The following DLGAP2 variants were observed in gnomAD, a reference collection of about 807,000 sequenced individuals.
The protein encoded by DLGAP2 is DLG associated protein 2.
In DLGAP2, 26 loss-of-function variants were observed where a neutral mutation model predicts 100.3. That is an observed-to-expected ratio of 0.26 (90% CI 0.19 to 0.36). DLGAP2 has a LOEUF of 0.36. Ranked by LOEUF, DLGAP2 falls within the 10% of genes least tolerant of loss-of-function variation. The pLI, the probability that DLGAP2 is intolerant of heterozygous loss-of-function variation, is 1.00. For synonymous variants in DLGAP2, 886 were observed against 630.1 expected (o/e 1.41, Z -6.08); for missense variants, 1,858 against 1,453.2 (o/e 1.28, Z -4.53).
chr8:1,290,627 G>A (rs1280628950), intron 3 of DLGAP2, among the ~76,000 whole-genome samples: 2 of 152,212 alleles, frequency 1.3e-5, no homozygotes, highest in East Asian at 3.8e-4. Flanking sequence ...GAAAGGCAGA[G>A]GCCTCCGTGG....
At chr8:994,195 T>C (rs149943010) in intron 2 of DLGAP2, among the ~76,000 whole-genome samples, 6 of 151,950 alleles carry the variant, frequency 3.9e-5, no homozygotes, top group Non-Finnish European at 7.4e-5. Context: ...ATCCTTATGG[T>C]GTTTTGTTTT....
intron 2 of DLGAP2, among the ~76,000 whole-genome samples, chr8:1,050,694 A>G (rs1166442917): frequency 6.6e-6 from 1 of 152,170 alleles, no homozygotes; most frequent in Non-Finnish European, 1.5e-5. Context: ...AGTAGCTTCC[A>G]TTTCATTACA....
intron 2 of DLGAP2, among the ~76,000 whole-genome samples, chr8:1,067,797 C>T (rs1044877164): frequency 4.6e-5 from 7 of 151,974 alleles, no homozygotes; most frequent in Admixed American, 1.3e-4. Flanking sequence ...TGGACCAACA[C>T]GACACGTCAT....
chr8:1,267,719 C>T (rs1447217002), intron 3 of DLGAP2, among the ~76,000 whole-genome samples: 5 of 152,210 alleles, frequency 3.3e-5, no homozygotes, highest in South Asian at 4.2e-4. Flanking sequence ...TGGCCCCCTC[C>T]GTAGCAACTC....
At chr8:1,417,789 T>G (rs1006219594) in intron 3 of DLGAP2, among the ~76,000 whole-genome samples, 3 of 147,374 alleles carry the variant, frequency 2.0e-5, no homozygotes, top group African/African-American at 7.7e-5. Flanking sequence ...TCAGAGAAAG[T>G]GATCAATGTC....
intron 2 of DLGAP2, among the ~76,000 whole-genome samples, chr8:1,120,098 C>G (rs1221229246): frequency 1.3e-5 from 2 of 151,604 alleles, no homozygotes; most frequent in Non-Finnish European, 2.9e-5. Flanking sequence ...GTTGGAAATT[C>G]AAACATCTTT....
chr8:845,784 A>G (rs144212355), intron 1 of DLGAP2, among the ~76,000 whole-genome samples: 22 of 152,228 alleles, frequency 1.4e-4, no homozygotes, highest in African/African-American at 5.1e-4. Flanking sequence ...AGTTTTATAT[A>G]CCTTTTGCTG....
chr8:1,590,071 G>T (rs1415094901), intron 6 of DLGAP2, among the ~76,000 whole-genome samples: 1 of 152,182 alleles, frequency 6.6e-6, no homozygotes, highest in Admixed American at 6.5e-5. Context: ...CAGTGTCCGT[G>T]GCTGTGGGTG....
At chr8:1,651,370 C>G (rs1585033372) in intron 8 of DLGAP2, among the ~76,000 whole-genome samples, 1 of 152,180 alleles carries the variant, frequency 6.6e-6, no homozygotes, top group South Asian at 2.1e-4. Flanking sequence ...GTTCCAAATC[C>G]CGAGGTTCCT....
At chr8:1,570,623 G>A (rs894900936) in intron 6 of DLGAP2, among the ~76,000 whole-genome samples, 1 of 152,194 alleles carries the variant, frequency 6.6e-6, no homozygotes, top group Admixed American at 6.5e-5. Context: ...GCGTCTGCTG[G>A]GATGGAGAGG....
intron 2 of DLGAP2, among the ~76,000 whole-genome samples, chr8:1,181,607 T>A (rs1585128665): frequency 6.6e-6 from 1 of 151,166 alleles, no homozygotes; most frequent in Non-Finnish European, 1.5e-5. Flanking sequence ...ACCTGGGGGG[T>A]GAAATAATCT....
intron 2 of DLGAP2, among the ~76,000 whole-genome samples, chr8:1,148,518 G>C (rs1489794774): frequency 6.6e-6 from 1 of 151,480 alleles, no homozygotes; most frequent in Non-Finnish European, 1.5e-5. Context: ...CTAATTTCTT[G>C]TGATTGATGT....
intron 3 of DLGAP2, 23 bp downstream of exon 3, chr8:1,258,906 G>T: frequency 8.1e-7 from 1 of 1,231,750 alleles, no homozygotes; most frequent in East Asian, 3.2e-5. Context: ...CATGCTGCCT[G>T]GGGTGGGCGG....
At chr8:1,456,854 G>GC (rs1422310122) in intron 3 of DLGAP2, among the ~76,000 whole-genome samples, 150 of 152,054 alleles carry the variant, frequency 9.9e-4, no homozygotes, top group South Asian at 4.1e-3. Context: ...AGCAGGCTGT[G>GC]CACTGGTGAA....
At chr8:823,140 G>C (rs796459023) in intron 1 of DLGAP2, among the ~76,000 whole-genome samples, 2 of 152,070 alleles carry the variant, frequency 1.3e-5, no homozygotes, top group African/African-American at 4.8e-5. Context: ...AGCTTCACAC[G>C]TTCTGGCTCA....
At chr8:916,413 A>G (rs181097546) in intron 2 of DLGAP2, among the ~76,000 whole-genome samples, 3 of 152,208 alleles carry the variant, frequency 2.0e-5, no homozygotes, top group African/African-American at 7.2e-5. Context: ...CATTCTCAGC[A>G]ACTATTGCAA....
intron 1 of DLGAP2, among the ~76,000 whole-genome samples, chr8:788,376 G>C (rs1277460916): frequency 6.6e-6 from 1 of 152,150 alleles, no homozygotes; most frequent in Non-Finnish European, 1.5e-5. Flanking sequence ...GTGTCCACAT[G>C]CTCTGGTTGT....
At chr8:1,639,764 C>G (rs541238973) in intron 8 of DLGAP2, among the ~76,000 whole-genome samples, 9 of 152,332 alleles carry the variant, frequency 5.9e-5, no homozygotes, top group African/African-American at 2.2e-4. Context: ...CTTGCCTCCT[C>G]AAGCTTCTGG....
chr8:971,747 A>G (rs919805163), intron 2 of DLGAP2, among the ~76,000 whole-genome samples: 1 of 152,146 alleles, frequency 6.6e-6, no homozygotes, highest in Non-Finnish European at 1.5e-5. Flanking sequence ...GCCTGCCCTC[A>G]ATAGAAATCT....
Sources: allele counts gnomAD v4.1 joint callset (sites outside exome capture counted in the v4.1 genomes callset), GRCh38; gene constraint gnomAD v4.1.1; transcripts MANE v1.5; gene names NCBI Gene and HGNC (gene_info 2026-07-23, HGNC 2026-07-21).